MCC: variants seen among roughly 807,000 people sequenced by gnomAD.
The protein encoded by MCC is colorectal mutant cancer protein.
A neutral mutation model predicts 116.2 loss-of-function variants in MCC; 90 were observed. That is an observed-to-expected ratio of 0.77 (90% confidence interval 0.65 to 0.92). The LOEUF (loss-of-function observed/expected upper bound fraction) is 0.92. Ranked by LOEUF, MCC falls within the 40% of genes least tolerant of loss-of-function variation. The probability of loss-of-function intolerance (pLI) is 0.00; values close to 1 mark genes in which losing one functional copy is unlikely to be tolerated. For synonymous variants in MCC, 578 were observed against 510.5 expected, an observed-to-expected ratio of 1.13 and a Z score of -1.78; for missense variants, 1,516 against 1,312.2, an observed-to-expected ratio of 1.16 and a Z score of -2.40.
chr5:113,043,506 C>T, intron 17 of MCC, 24 bp downstream of exon 17: 1 of 1,601,822 alleles, frequency 6.2e-7, no homozygotes, highest in East Asian at 2.2e-5. Context: ...TAAACACCAG[C>T]TGGGGTGGGG....
intron 14 of MCC, among the ~76,000 whole-genome samples, chr5:113,057,034 T>C (rs560410769): frequency 6.6e-6 from 1 of 152,026 alleles, no homozygotes; most frequent in African/African-American, 2.4e-5. Flanking sequence ...AGGGTGGACC[T>C]AAGGGAGGCG....
At chr5:113,215,450 G>A (rs139190760) in intron 3 of MCC, among the ~76,000 whole-genome samples, 1 of 152,158 alleles carries the variant, frequency 6.6e-6, no homozygotes, top group Non-Finnish European at 1.5e-5. Flanking sequence ...TTGAAACTCA[G>A]TGGCCAATGT....
intron 3 of MCC, among the ~76,000 whole-genome samples, chr5:113,247,610 A>G (rs938574169): frequency 5.3e-5 from 8 of 152,194 alleles, no homozygotes; most frequent in Admixed American, 4.6e-4. Flanking sequence ...GGTGGACTGA[A>G]GAAGGGCTGG....
intron 1 of MCC, among the ~76,000 whole-genome samples, chr5:113,442,644 G>C (rs1771075972): frequency 6.6e-6 from 1 of 152,118 alleles, no homozygotes. Context: ...CTTACATTTA[G>C]GTCTTTAATC....
intron 1 of MCC, among the ~76,000 whole-genome samples, chr5:113,480,607 T>G (rs1772353784): frequency 6.6e-6 from 1 of 152,024 alleles, no homozygotes; most frequent in Non-Finnish European, 1.5e-5. Context: ...AGATCAGGAG[T>G]GTCAACATCA....
intron 6 of MCC, among the ~76,000 whole-genome samples, chr5:113,120,319 C>T (rs908617364): frequency 2.6e-5 from 4 of 152,114 alleles, no homozygotes; most frequent in Admixed American, 1.3e-4. Flanking sequence ...ACATAAAGCC[C>T]GGGGACTGGG....
At chr5:113,176,517 T>G (rs1339159502) in intron 3 of MCC, among the ~76,000 whole-genome samples, 2 of 152,200 alleles carry the variant, frequency 1.3e-5, no homozygotes, top group Admixed American at 6.5e-5. Flanking sequence ...GTCCAACAGC[T>G]AAGGGTGACG....
At chr5:113,043,363 G>A (rs1461060210) in intron 17 of MCC, among the ~76,000 whole-genome samples, 167 bp downstream of exon 17, 5 of 152,214 alleles carry the variant, frequency 3.3e-5, no homozygotes, top group African/African-American at 1.2e-4. Flanking sequence ...TCTTCTCACT[G>A]TTTTGAAAGG....
At chr5:113,473,847 A>G (rs1772160245) in intron 1 of MCC, among the ~76,000 whole-genome samples, 1 of 152,248 alleles carries the variant, frequency 6.6e-6, no homozygotes, top group African/African-American at 2.4e-5. Flanking sequence ...CCTTTCCATA[A>G]GAATATGCTA....
chr5:113,380,663 T>A (rs550185436), intron 2 of MCC, among the ~76,000 whole-genome samples: 15 of 152,296 alleles, frequency 9.8e-5, no homozygotes, highest in African/African-American at 3.4e-4. Flanking sequence ...AAGTAAATAT[T>A]CAAGGAGGTA....
rs76567316 is a variant in MCC at position 113,422,335 on chromosome 5, T to G, written c.171-37123A>C. Among the ~76,000 whole-genome samples the G allele has an allele frequency of 2.9e-4, 44 of 152,332 alleles. 1 individual carries two copies. The East Asian group carries it at 7.1e-3, about 25-fold the overall frequency. ...CCAAGAGCATGGATAACTGTAAATATAGTAAAATAAATAGTAAGTGATGAG... is the reference window on the plus strand; with the variant it reads ...CCAAGAGCATGGATAACTGTAAATAGAGTAAAATAAATAGTAAGTGATGAG... On this transcript the variant is annotated intron_variant, in intron 1 of 18. Transcript: ENST00000408903.
chr5:113,355,789 C>T (rs1768396622), intron 2 of MCC, among the ~76,000 whole-genome samples: 1 of 152,046 alleles, frequency 6.6e-6, no homozygotes, highest in Non-Finnish European at 1.5e-5. Context: ...AATTACCTTC[C>T]AAAGGCCCCA....
chr5:113,435,084 G>T (rs1326257236), intron 1 of MCC: 2 of 491,934 alleles, frequency 4.1e-6, no homozygotes, highest in African/African-American at 1.9e-5. Flanking sequence ...GAGGCACTTG[G>T]ACTTGGAATC....
chr5:113,461,574 G>T (rs1771743323), intron 1 of MCC, among the ~76,000 whole-genome samples: 1 of 151,230 alleles, frequency 6.6e-6, no homozygotes, highest in Non-Finnish European at 1.5e-5. Context: ...GGGAGGCCGA[G>T]TTGGGAGGAC....
At chr5:113,424,759 AT>A (rs1253693851) in intron 1 of MCC, among the ~76,000 whole-genome samples, 1 of 152,138 alleles carries the variant, frequency 6.6e-6, no homozygotes, top group Non-Finnish European at 1.5e-5. Flanking sequence ...CACCCAGAGA[AT>A]AACATTAACA....
intron 13 of MCC, among the ~76,000 whole-genome samples, chr5:113,066,106 G>A (rs1440512144): frequency 6.6e-6 from 1 of 152,178 alleles, no homozygotes; most frequent in African/African-American, 2.4e-5. Context: ...GAACTTCCCA[G>A]TATTAGGTAA....
intron 2 of MCC, among the ~76,000 whole-genome samples, chr5:113,383,859 G>GATGTGTGTGT (rs1436329325): frequency 6.6e-6 from 1 of 152,126 alleles, no homozygotes; most frequent in Non-Finnish European, 1.5e-5. Flanking sequence ...ATTGTTTAAA[G>GATGTGTGTGT]ATGTGTGTGT....
chr5:113,089,903 G>A (rs7714725), intron 8 of MCC, among the ~76,000 whole-genome samples: 70,622 of 151,772 alleles, frequency 0.47, 17,904 homozygotes, highest in African/African-American at 0.69. Context: ...TGATCTTTTC[G>A]GAAAGAAATG....
At chr5:113,077,984 T>A (rs1421437456) in intron 11 of MCC, among the ~76,000 whole-genome samples, 1 of 151,946 alleles carries the variant, frequency 6.6e-6, no homozygotes, top group Non-Finnish European at 1.5e-5. Flanking sequence ...TCACCACTGA[T>A]CCCACAAAAA....
Sources: gnomAD v4.1 joint callset for allele counts (sites outside exome capture counted in the v4.1 genomes callset) on GRCh38, gnomAD v4.1.1 for gene constraint, MANE v1.5 for transcripts, NCBI Gene and HGNC (gene_info 2026-07-23, HGNC 2026-07-21) for gene names.